Variants in ACBD6 observed in about 807,000 individuals in gnomAD.
The protein encoded by ACBD6 is acyl-CoA binding domain containing 6, also known as acyl-CoA-binding domain-containing protein 6.
ACBD6 carries 28 observed loss-of-function variants against 37.2 expected under a neutral mutation model. The observed-to-expected ratio is 0.75, with a 90% CI of 0.56 to 1.03. The LOEUF is 1.03. ACBD6 is among the 50% of genes least tolerant of loss of function. The pLI is 0.00. For missense variants in ACBD6, 340 were observed against 337.4 expected (o/e 1.01, Z -0.06); for synonymous variants, 113 against 126.8 (o/e 0.89, Z 0.73).
rs920307023 is a variant in ACBD6, at chr1:180,406,550, C to T, written c.573+6816G>A. Among the ~76,000 whole-genome samples, 26 of 152,066 alleles carry T rather than the reference C, an allele frequency of 1.7e-4. 1 individual carries two copies. The highest frequency in any genetic ancestry group is 8.5e-4 in the Admixed American group (13 of 15,276). On this transcript the variant is annotated intron_variant, in intron 5 of 7. Coordinates refer to ENST00000367595, the MANE Select transcript of ACBD6 (RefSeq NM_032360.4). Reference sequence around the variant, plus strand: ...CATTTCATATATATTTGTTCATATACAATACTTAGATCCAAATGTATGTAT... The same window carrying T: ...CATTTCATATATATTTGTTCATATATAATACTTAGATCCAAATGTATGTAT...
chr1:180,270,141 A>ACAC (rs776008609), exon 14 of ACBD6: 5 of 152,226 alleles, frequency 3.3e-5, no homozygotes, highest in Non-Finnish European at 5.9e-5. Flanking sequence ...CTCATCAAGA[A>ACAC]CACTGAAGCC....
chr1:180,500,393 T>C (rs143258424), intron 1 of ACBD6, among the ~76,000 whole-genome samples: 169 of 152,158 alleles, frequency 1.1e-3, no homozygotes, highest in African/African-American at 3.9e-3. Context: ...GTACTTTAAG[T>C]CTCTTAAAGC....
chr1:180,484,646 T>C (rs1401584885), intron 3 of ACBD6, among the ~76,000 whole-genome samples: 1 of 152,168 alleles, frequency 6.6e-6, no homozygotes. Flanking sequence ...TATACACGTG[T>C]CAGAGTAATA....
At chr1:180,364,515 A>G (rs188111574) in intron 6 of ACBD6, among the ~76,000 whole-genome samples, 85 of 152,346 alleles carry the variant, frequency 5.6e-4, no homozygotes, top group African/African-American at 1.9e-3. Context: ...TTTAAGAGTC[A>G]GAACTAAAAC....
At chr1:180,378,949 T>C (rs6425627) in intron 6 of ACBD6, among the ~76,000 whole-genome samples, 151,119 of 152,240 alleles carry the variant, frequency 0.99, 75,010 homozygotes, top group East Asian at 1. Context: ...ACACACCCAC[T>C]TGACTGACCC....
chr1:180,473,939 C>T (rs1416821), intron 3 of ACBD6, among the ~76,000 whole-genome samples: 73,881 of 152,000 alleles, frequency 0.49, 20,767 homozygotes, highest in South Asian at 0.66. Context: ...AAGTAACGTC[C>T]ATATTAACAC....
chr1:180,337,700 G>C (rs1262626277), intron 6 of ACBD6, among the ~76,000 whole-genome samples: 1 of 152,192 alleles, frequency 6.6e-6, no homozygotes, highest in Non-Finnish European at 1.5e-5. Context: ...ATTAGGAAAA[G>C]AGGAAATCAA....
intron 1 of ACBD6, among the ~76,000 whole-genome samples, chr1:180,497,895 C>A (rs990421343): frequency 1.3e-5 from 2 of 152,138 alleles, no homozygotes; most frequent in Non-Finnish European, 2.9e-5. Flanking sequence ...TGTAGATATT[C>A]TTCTTTGATA....
Position 180,403,599 on chromosome 1 carries a change from A to G in ACBD6, c.574-5994T>C, listed in dbSNP as rs569351148. Among the ~76,000 whole-genome samples, 9 of 149,934 alleles carry G rather than the reference A, an allele frequency of 6.0e-5. No homozygotes were observed. The South Asian group carries it at 1.2e-3, about 21-fold the overall frequency. On this transcript the variant is annotated intron_variant, in intron 5 of 7. Coordinates refer to ENST00000367595, the MANE Select transcript of ACBD6 (RefSeq NM_032360.4). ...CATTTTTCATAATAGATTCTTGGGG[A>G]AAAAAAATCAAACAAAAATTTGTAC... is the stretch of plus-strand genomic sequence containing the variant.
chr1:180,307,728 G>A (rs982956703), intron 7 of ACBD6, among the ~76,000 whole-genome samples: 1 of 152,192 alleles, frequency 6.6e-6, no homozygotes, highest in African/African-American at 2.4e-5. Flanking sequence ...GCCAAGGCAA[G>A]CGGATCATTT....
intron 6 of ACBD6, among the ~76,000 whole-genome samples, chr1:180,365,396 A>C (rs1653018448): frequency 6.6e-6 from 1 of 152,220 alleles, no homozygotes; most frequent in Admixed American, 6.5e-5. Flanking sequence ...GGTGTCAAAC[A>C]AAAACAGATC....
At chr1:180,449,774 CAG>C (rs1218599768) in intron 3 of ACBD6, among the ~76,000 whole-genome samples, 1 of 151,288 alleles carries the variant, frequency 6.6e-6, no homozygotes, top group Admixed American at 6.6e-5. Context: ...AGGGTGGGGA[CAG>C]GGGGAGGGAT....
chr1:180,296,855 A>G (rs1438145563), intron 7 of ACBD6, among the ~76,000 whole-genome samples: 4 of 150,808 alleles, frequency 2.7e-5, no homozygotes, highest in South Asian at 2.2e-4. Flanking sequence ...AGCCAGGCGC[A>G]GTGGCTCACG....
intron 3 of ACBD6, among the ~76,000 whole-genome samples, chr1:180,449,851 T>C (rs779360782): frequency 6.2e-4 from 94 of 150,688 alleles, no homozygotes; most frequent in Middle Eastern, 3.4e-3. Flanking sequence ...ACATGACACA[T>C]GTTCACCTAT....
chr1:180,475,490 G>T (rs187508364), intron 3 of ACBD6, among the ~76,000 whole-genome samples: 57 of 152,206 alleles, frequency 3.7e-4, no homozygotes, highest in African/African-American at 1.3e-3. Flanking sequence ...GGGCTCAAGC[G>T]ATCCTCCCAT....
chr1:180,302,713 A>G (rs1282260655), intron 7 of ACBD6, among the ~76,000 whole-genome samples: 1 of 151,142 alleles, frequency 6.6e-6, no homozygotes, highest in Non-Finnish European at 1.5e-5. Context: ...GAAAGTTAAC[A>G]AGGATATCCA....
intron 6 of ACBD6, among the ~76,000 whole-genome samples, chr1:180,318,288 GCT>G (rs1400553654): frequency 2.6e-5 from 4 of 151,420 alleles, no homozygotes; most frequent in Non-Finnish European, 5.9e-5. Context: ...ATAAAACCTT[GCT>G]CTTTTCTCAT....
At chr1:180,401,842 C>T (rs937484448) in intron 5 of ACBD6, among the ~76,000 whole-genome samples, 3 of 150,028 alleles carry the variant, frequency 2.0e-5, no homozygotes, top group Non-Finnish European at 4.4e-5. Context: ...GAAGGAGATT[C>T]TATTATAAAA....
At chr1:180,329,210 C>T (rs1651376956) in intron 6 of ACBD6, among the ~76,000 whole-genome samples, 1 of 152,186 alleles carries the variant, frequency 6.6e-6, no homozygotes, top group African/African-American at 2.4e-5. Flanking sequence ...TGAACAAAAA[C>T]ATCATTTACT....
Sources: allele counts gnomAD v4.1 joint callset (sites outside exome capture counted in the v4.1 genomes callset), GRCh38; gene constraint gnomAD v4.1.1; transcripts MANE v1.5; gene names NCBI Gene and HGNC (gene_info 2026-07-23, HGNC 2026-07-21).